Variants in ERCC1 observed in about 807,000 individuals in gnomAD.
ERCC1 encodes the protein ERCC excision repair 1, endonuclease non-catalytic subunit, also known as DNA excision repair protein ERCC-1.
ERCC1 carries 36 observed loss-of-function variants against 37.6 expected under a neutral mutation model. The observed-to-expected ratio is 0.96, with a 90% CI of 0.73 to 1.26. ERCC1 has a LOEUF of 1.26. Among genes scored for constraint, ERCC1 ranks in the 50% most tolerant of loss-of-function variants. The pLI, the probability that ERCC1 is intolerant of heterozygous loss-of-function variation, is 0.00. For synonymous variants in ERCC1, 156 were observed against 162.1 expected (o/e 0.96, Z 0.28); for missense variants, 349 against 376.5 (o/e 0.93, Z 0.60).
chr19:45,409,219 T>A lies in ERCC1; in HGVS notation c.*456A>T. The A allele has an allele frequency of 6.2e-7, 1 of 1,611,496 alleles. No homozygotes were observed. Among genetic ancestry groups the A allele is most frequent in the South Asian group, 1.1e-5 (1 of 90,868 alleles). ...CGGATGACCTTGAGCCTCAGGCAGC[T>A]CCCACATCCACCAAGAAGAAGAAGA... On this transcript the variant is annotated 3_prime_UTR_variant, in exon 10 of 10. Coordinates refer to ENST00000300853, the MANE Select transcript of ERCC1 (RefSeq NM_001983.4).
rs769868711 is a variant in ERCC1, at chr19:45,423,249, C to T, written c.105+21G>A. The T allele has an allele frequency of 3.7e-6, 6 of 1,605,760 alleles. No individual in the cohort carries two copies. The African/African-American group carries it at 4.0e-5, about 11-fold the overall frequency. Reference sequence around the variant, plus strand: ...CTAACAGCCCCCAGCCTCCCAGGGGCCCCGCATCTCCTTGTCCTACCACTC... The same window carrying T: ...CTAACAGCCCCCAGCCTCCCAGGGGTCCCGCATCTCCTTGTCCTACCACTC... On this transcript the variant is annotated intron_variant, in intron 2 of 9. Coordinates refer to ENST00000300853, the MANE Select transcript of ERCC1 (RefSeq NM_001983.4).
chr19:45,437,678 T>TAG (rs1331567368), intron 1 of ERCC1, among the ~76,000 whole-genome samples: 3 of 152,202 alleles, frequency 2.0e-5, no homozygotes, highest in East Asian at 3.9e-4. Flanking sequence ...AGTATAAAGG[T>TAG]GGCTACTAGA....
chr19:45,447,270 C>CTTTTTTTTTTTTT, intron 1 of ERCC1, among the ~76,000 whole-genome samples: 1 of 102,752 alleles, frequency 9.7e-6, no homozygotes, highest in Non-Finnish European at 1.8e-5. Context: ...AGATTTGCTT[C>CTTTTTTTTTTTTT]TTTTTTTTTT....
rs778643091 is a variant in ERCC1 at position 45,416,889 on chromosome 19, G to A, written c.534C>T (p.Pro178=). 2.5e-6 allele frequency: 4 copies of A among 1,612,392 alleles called. No individual in the cohort carries two copies. The African/African-American group carries it at 4.0e-5, about 16-fold the overall frequency. ...VLLVQVDVKD[P]QQALKELAKM... ...TAGCCAGCTCCTTGAGGGCCTGCTG[G>A]GGATCTTTCTGGAGGAGAAAATCAG... is the stretch of plus-strand genomic sequence containing the variant. Residue 178 remains proline, a synonymous_variant, in exon 6 of 10, where the codon CCC becomes CCT. Transcript: ENST00000300853.
intron 1 of ERCC1, among the ~76,000 whole-genome samples, chr19:45,437,653 C>T (rs1480604602): frequency 6.6e-6 from 1 of 152,070 alleles, no homozygotes; most frequent in Non-Finnish European, 1.5e-5. Context: ...CTTAAAAAGT[C>T]GAGCTCATAG....
upstream of ERCC1, among the ~76,000 whole-genome samples, chr19:45,428,034 G>C (rs904444051): frequency 2.0e-5 from 3 of 149,414 alleles, no homozygotes; most frequent in African/African-American, 4.9e-5. Context: ...TTGGATGTTG[G>C]ATTTCTACCC....
At chr19:45,426,566 A>T (rs529379320), upstream of ERCC1, among the ~76,000 whole-genome samples, 767 of 150,862 alleles carry the variant, frequency 5.1e-3, 5 homozygotes, top group African/African-American at 0.01. Flanking sequence ...AAAAAAAAAA[A>T]ATTTTTTTTG....
chr19:45,436,320 C>G (rs1200321515), intron 1 of ERCC1, among the ~76,000 whole-genome samples: 1 of 152,168 alleles, frequency 6.6e-6, no homozygotes, highest in Non-Finnish European at 1.5e-5. Flanking sequence ...ATCCCCAATT[C>G]AGTGACTTAA....
At chr19:45,448,540 T>C (rs1461097576) in intron 1 of ERCC1, among the ~76,000 whole-genome samples, 2 of 151,380 alleles carry the variant, frequency 1.3e-5, no homozygotes, top group Non-Finnish European at 2.9e-5. Flanking sequence ...AGATCAGAGA[T>C]AGGGTTCAGA....
upstream of ERCC1, among the ~76,000 whole-genome samples, chr19:45,426,160 CA>C (rs1391177314): frequency 6.6e-6 from 1 of 151,936 alleles, no homozygotes; most frequent in Non-Finnish European, 1.5e-5. Flanking sequence ...ACAGGCGGAT[CA>C]CGAGGTCAGG....
At position 45,423,770 on chromosome 19, in the gene ERCC1, G is replaced by C; in HGVS notation, c.-8+11C>G. On this transcript the variant is annotated intron_variant, in intron 1 of 9. Transcript: ENST00000300853. ...GCGCCAATCTCCACCCGCAGTCTCC[G>C]CCTCCCGCACCTGTGGTCCGGGCCT... The C allele has an allele frequency of 8.8e-7, 1 of 1,141,468 alleles. No homozygotes were observed. The highest frequency in any genetic ancestry group is 4.3e-5 in the East Asian group (1 of 23,234). The allele number at this position is 1,141,468 out of a possible 1,614,324, so 70.7% of individuals were successfully genotyped here.
chr19:45,446,722 G>A (rs987597861), intron 1 of ERCC1, among the ~76,000 whole-genome samples: 30 of 152,258 alleles, frequency 2.0e-4, no homozygotes, highest in African/African-American at 5.1e-4. Context: ...GAGCTGGGCC[G>A]GGAGAGGTGG....
chr19:45,414,546 C>T (rs1192992615), intron 7 of ERCC1: 19 of 401,916 alleles, frequency 4.7e-5, no homozygotes, highest in Non-Finnish European at 7.0e-5. Flanking sequence ...CTTGGAGAAG[C>T]GAGCTAGGCC....
intron 4 of ERCC1, among the ~76,000 whole-genome samples, chr19:45,419,901 A>C (rs1317136404): frequency 2.1e-5 from 3 of 143,490 alleles, no homozygotes; most frequent in Non-Finnish European, 4.5e-5. Context: ...TAGACCCAGG[A>C]GTCCAGGCCC....
At chr19:45,418,163 C>G (rs1007863614) in intron 5 of ERCC1, among the ~76,000 whole-genome samples, 1 of 152,066 alleles carries the variant, frequency 6.6e-6, no homozygotes, top group African/African-American at 2.4e-5. Flanking sequence ...GCCTGACCAA[C>G]ATGGTGAAAC....
At chr19:45,421,111 A>G (rs1395495870) in intron 3 of ERCC1, 67 bp downstream of exon 3, 1 of 1,332,302 alleles carries the variant, frequency 7.5e-7, no homozygotes, top group Non-Finnish European at 1.1e-6. Context: ...CTTGCACTGG[A>G]GTCATCCCTA....
At chr19:45,444,386 GC>G (rs1056355540) in intron 1 of ERCC1, among the ~76,000 whole-genome samples, 1 of 143,072 alleles carries the variant, frequency 7.0e-6, no homozygotes, top group Admixed American at 7.1e-5. Context: ...TTCCCAGGCC[GC>G]CCCCCCGCGG....
At position 45,408,051 on chromosome 19, in the gene ERCC1, C is replaced by A. The variant is rs368358045; in HGVS notation, c.*1624G>T. 1.3e-5 allele frequency: 18 copies of A among 1,400,000 alleles called. No homozygotes were observed. The East Asian group carries it at 1.4e-4, about 11-fold the overall frequency. The allele number at this position is 1,400,000 out of a possible 1,614,324, so 86.7% of individuals were successfully genotyped here. On this transcript the variant is annotated 3_prime_UTR_variant, in exon 10 of 10. Coordinates refer to ENST00000300853, the MANE Select transcript of ERCC1 (RefSeq NM_001983.4). Reference sequence around the variant, plus strand: ...CCTAGGCAACAGAGCAAGACTCTCTCAAAAAAAAACAAAAAAAAAATCAAA... The same window carrying A: ...CCTAGGCAACAGAGCAAGACTCTCTAAAAAAAAAACAAAAAAAAAATCAAA...
chr19:45,425,082 A>ATTTTTTTTTTTTTTTTT (rs35314737), upstream of ERCC1, among the ~76,000 whole-genome samples: 3 of 116,950 alleles, frequency 2.6e-5, no homozygotes, highest in Non-Finnish European at 5.3e-5. Flanking sequence ...TGCCCGGCTA[A>ATTTTTTTTTTTTTTTTT]TTTTTTTTTT....
Sources: gnomAD v4.1 joint callset for allele counts (sites outside exome capture counted in the v4.1 genomes callset) on GRCh38, gnomAD v4.1.1 for gene constraint, MANE v1.5 for transcripts, NCBI Gene and HGNC (gene_info 2026-07-23, HGNC 2026-07-21) for gene names.